The following SRP19 variants were observed in gnomAD, a reference collection of about 807,000 sequenced individuals.
The protein encoded by SRP19 is signal recognition particle 19.
SRP19 carries 11 observed loss-of-function variants against 22.4 expected under a neutral mutation model. The observed-to-expected ratio is 0.49, with a 90% confidence interval of 0.31 to 0.81. The LOEUF is 0.81. Among genes scored for constraint, SRP19 ranks in the 40% least tolerant of loss-of-function variants. The pLI, the probability that SRP19 is intolerant of heterozygous loss-of-function variation, is 0.05. For missense variants in SRP19, 168 were observed against 175.9 expected, an observed-to-expected ratio of 0.96 and a Z score of 0.25; for synonymous variants, 61 against 57.6, an observed-to-expected ratio of 1.06 and a Z score of -0.27.
intron 4 of SRP19, among the ~76,000 whole-genome samples, chr5:112,879,767 T>C (rs1049371598): frequency 6.6e-6 from 1 of 151,798 alleles, no homozygotes; most frequent in African/African-American, 2.4e-5. Context: ...TAAGCCACCA[T>C]GCCCGGCCTC....
downstream of SRP19, chr5:112,896,235 T>C (rs1312256186): frequency 2.0e-5 from 3 of 152,588 alleles, no homozygotes; most frequent in East Asian, 1.9e-4. Context: ...AGAAGAAAAA[T>C]GTTGCGAGGC....
At position 112,868,150 on chromosome 5, in the gene SRP19, T is replaced by G; in HGVS notation, c.*613T>G. The G allele has an allele frequency of 1.0e-6, 1 of 985,418 alleles. No homozygotes were observed. The highest frequency in any genetic ancestry group is 1.2e-6 in the Non-Finnish European group (1 of 829,950). The allele number at this position is 985,418 out of a possible 1,614,324, so 61.0% of individuals were successfully genotyped here. A position where few individuals can be genotyped will look rare whatever the true frequency, so the allele number is the denominator to read the frequency against. ...AAAGTCCTGGATTTTAAGCTTTAAA[T>G]TTGCTTATTTTGTAGGTTTAAGAAC... On this transcript the variant is annotated 3_prime_UTR_variant, in exon 5 of 5. Transcript: ENST00000505459.
intron 4 of SRP19, among the ~76,000 whole-genome samples, chr5:112,879,006 T>G (rs942755309): frequency 6.6e-6 from 1 of 151,690 alleles, no homozygotes; most frequent in Non-Finnish European, 1.5e-5. Context: ...TTCCAGGAAA[T>G]GGAGAAGGTA....
intron 4 of SRP19, 112 bp from the exon 5 acceptor site, chr5:112,867,292 T>TG: frequency 7.7e-7 from 1 of 1,303,992 alleles, no homozygotes; most frequent in East Asian, 2.4e-5. Context: ...TTAAAAAAGT[T>TG]ATTTTCCATT....
At chr5:112,873,965 A>G (rs1356430008), downstream of SRP19, among the ~76,000 whole-genome samples, 2 of 151,586 alleles carry the variant, frequency 1.3e-5, no homozygotes, top group Middle Eastern at 3.4e-3. Context: ...GGACTTCAAG[A>G]CCAGCCTGGG....
exon 5 of SRP19, chr5:112,892,947 G>A: frequency 6.3e-7 from 1 of 1,599,072 alleles, no homozygotes; most frequent in Non-Finnish European, 8.5e-7. Context: ...ACCGCAGCTG[G>A]GACCAGGGCC....
chr5:112,885,208 T>G (rs544475529), intron 4 of SRP19: 1 of 168,548 alleles, frequency 5.9e-6, no homozygotes, highest in Non-Finnish European at 1.3e-5. Flanking sequence ...GTGAGTGCTG[T>G]GGGGGTGGGG....
chr5:112,893,260 A>C, downstream of SRP19: 3 of 279,836 alleles, frequency 1.1e-5, no homozygotes, highest in Non-Finnish European at 2.1e-5. Flanking sequence ...AAATACAAAA[A>C]TTAGCCAGGT....
chr5:112,879,326 G>GC (rs1767995178), intron 4 of SRP19, among the ~76,000 whole-genome samples: 1 of 236 alleles, frequency 4.2e-3, no homozygotes, highest in Non-Finnish European at 5.9e-3. Context: ...ATATGTGTTT[G>GC]GGGGGGGGGG....
chr5:112,892,442 A>G (rs1271764893), exon 5 of SRP19: 1 of 1,614,158 alleles, frequency 6.2e-7, no homozygotes, highest in Non-Finnish European at 8.5e-7. Context: ...TGCAATTTGG[A>G]ACCTCACCTG....
chr5:112,883,592 C>A (rs1159626619), intron 4 of SRP19, among the ~76,000 whole-genome samples: 2 of 152,160 alleles, frequency 1.3e-5, no homozygotes, highest in Non-Finnish European at 2.9e-5. Context: ...ACTACACTAC[C>A]TTCGTGATCT....
downstream of SRP19, chr5:112,894,839 C>T (rs1768629558): frequency 1.3e-5 from 2 of 152,126 alleles, no homozygotes; most frequent in Non-Finnish European, 2.9e-5. Context: ...TGTATTCCTA[C>T]ATAGAATATC....
At chr5:112,892,467 TG>T in exon 5 of SRP19, 2 of 1,614,148 alleles carry the variant, frequency 1.2e-6, no homozygotes, top group Non-Finnish European at 1.7e-6. Flanking sequence ...GCAATGTATA[TG>T]TTCAGTACCA....
intron 4 of SRP19, among the ~76,000 whole-genome samples, chr5:112,891,052 A>T (rs915137016): frequency 6.6e-6 from 1 of 150,574 alleles, no homozygotes; most frequent in Non-Finnish European, 1.5e-5. Flanking sequence ...CTAGAACCAA[A>T]AATATTTAAG....
Position 112,861,345 on chromosome 5 carries a change from G to C in SRP19, c.-32G>C. 2 of 1,614,094 alleles carry C rather than the reference G, an allele frequency of 1.2e-6. No homozygotes were observed. The highest frequency in any genetic ancestry group is 1.7e-6 in the Non-Finnish European group (2 of 1,179,974). ...CCGGGTTTCTGCCGGGTTTCTCCCT[G>C]CGGCTCCTGGGTTGTTGAGACTCTT... On this transcript the variant is annotated 5_prime_UTR_variant, in exon 1 of 5. Transcript: ENST00000505459.
chr5:112,861,840 T>C (rs1477430113), intron 1 of SRP19, among the ~76,000 whole-genome samples: 1 of 152,234 alleles, frequency 6.6e-6, no homozygotes, highest in East Asian at 1.9e-4. Context: ...GACGGGCTGC[T>C]CTGTCTAATG....
intron 4 of SRP19, chr5:112,877,156 T>G (rs1362914325): frequency 6.6e-6 from 1 of 152,006 alleles, no homozygotes; most frequent in African/African-American, 2.4e-5. Flanking sequence ...TAATCACCAC[T>G]GTTTTCCTCC....
At chr5:112,866,492 A>G (rs968508749) in intron 4 of SRP19, among the ~76,000 whole-genome samples, 2 of 152,052 alleles carry the variant, frequency 1.3e-5, no homozygotes, top group African/African-American at 4.8e-5. Flanking sequence ...GAATATCGGC[A>G]CATGATTTTT....
chr5:112,891,311 G>T (rs750980236), intron 4 of SRP19, among the ~76,000 whole-genome samples: 3 of 152,088 alleles, frequency 2.0e-5, no homozygotes, highest in Non-Finnish European at 4.4e-5. Context: ...GGCCTCAGGT[G>T]ATCCGCCCAT....
Sources: allele counts gnomAD v4.1 joint callset (sites outside exome capture counted in the v4.1 genomes callset), GRCh38; gene constraint gnomAD v4.1.1; transcripts MANE v1.5; gene names NCBI Gene and HGNC (gene_info 2026-07-23, HGNC 2026-07-21).